CENPO: variants seen among roughly 807,000 people sequenced by gnomAD.
The protein encoded by CENPO is centromere protein O, also known as centromeric protein O.
In CENPO, 30 loss-of-function variants were observed where a neutral mutation model predicts 36.1. The ratio of observed to expected loss-of-function variants is 0.83; its 90% CI spans 0.62 to 1.13. CENPO has a LOEUF of 1.13. Among genes scored for constraint, CENPO ranks in the 50% most tolerant of loss-of-function variants. CENPO has a pLI of 0.00. For missense variants in CENPO, 349 were observed against 357.8 expected, an observed-to-expected ratio of 0.98 and a Z score of 0.20; for synonymous variants, 171 against 142.3, an observed-to-expected ratio of 1.20 and a Z score of -1.44.
At chr2:24,817,045 C>A (rs1443661996) in intron 6 of CENPO, among the ~76,000 whole-genome samples, 1 of 152,204 alleles carries the variant, frequency 6.6e-6, no homozygotes. Flanking sequence ...CCTTTGCCCA[C>A]CCACCTCAGC....
chr2:24,820,045 C>A lies in CENPO; in HGVS notation c.*727C>A. 6.2e-7 allele frequency: 1 copy of A among 1,606,506 alleles called. No individual in the cohort carries two copies. Among genetic ancestry groups the A allele is most frequent in the Non-Finnish European group, 8.5e-7 (1 of 1,176,560 alleles). On this transcript the variant is annotated 3_prime_UTR_variant, in exon 8 of 8. Coordinates refer to ENST00000380834, the MANE Select transcript of CENPO (RefSeq NM_001322101.2). Reference sequence around the variant, plus strand: ...GTCAGCAGCTCCCCCTTCCCCTTCACAAAGATGGGGCCTCGCCTCACAAAG... The same window carrying A: ...GTCAGCAGCTCCCCCTTCCCCTTCAAAAAGATGGGGCCTCGCCTCACAAAG...
chr2:24,819,866 G>T lies in CENPO; in HGVS notation c.*548G>T. ...GTGCACTTCAATCCAGGAAGGTCGG[G>T]ACTTCCTTCAGTTTCAAAAAATAAA... On this transcript the variant is annotated 3_prime_UTR_variant, in exon 8 of 8. Transcript: ENST00000380834. The T allele has an allele frequency of 6.5e-7, 1 of 1,529,374 alleles. No homozygotes were observed. The highest frequency in any genetic ancestry group is 8.9e-7 in the Non-Finnish European group (1 of 1,121,920). The allele number at this position is 1,529,374 out of a possible 1,614,324, so 94.7% of individuals were successfully genotyped here.
chr2:24,821,075 G>T lies in CENPO; in HGVS notation c.*1757G>T. ...CCCCCCCCATATGCAGATTTACTCGGCATGGTAGTGGCCAGCTTCTAACAC... is the reference window on the plus strand; with the variant it reads ...CCCCCCCCATATGCAGATTTACTCGTCATGGTAGTGGCCAGCTTCTAACAC... On this transcript the variant is annotated 3_prime_UTR_variant, in exon 8 of 8. Coordinates refer to ENST00000380834, the MANE Select transcript of CENPO (RefSeq NM_001322101.2). The T allele has an allele frequency of 1.7e-6, 1 of 588,218 alleles. No individual in the cohort carries two copies. The allele number at this position is 588,218 out of a possible 1,614,324, so 36.4% of individuals were successfully genotyped here. A position where few individuals can be genotyped will look rare whatever the true frequency, so the allele number is the denominator to read the frequency against.
At chr2:24,803,664 T>G (rs1388795750) in intron 3 of CENPO, among the ~76,000 whole-genome samples, 1 of 152,232 alleles carries the variant, frequency 6.6e-6, no homozygotes, top group African/African-American at 2.4e-5. Context: ...AATCCTGAGT[T>G]GTAGTTTGAT....
intron 3 of CENPO, among the ~76,000 whole-genome samples, chr2:24,810,830 T>G (rs1224423643): frequency 6.6e-6 from 1 of 152,186 alleles, no homozygotes; most frequent in Non-Finnish European, 1.5e-5. Context: ...TTTTTCTGTC[T>G]TTCTGCTTCC....
At chr2:24,809,148 A>G (rs1480561441) in intron 3 of CENPO, among the ~76,000 whole-genome samples, 1 of 152,146 alleles carries the variant, frequency 6.6e-6, no homozygotes, top group Non-Finnish European at 1.5e-5. Context: ...AAAACAACCT[A>G]CTGTCTTGTG....
chr2:24,820,001 C>G lies in CENPO; in HGVS notation c.*683C>G. The G allele has an allele frequency of 1.9e-6, 3 of 1,612,986 alleles. No individual in the cohort carries two copies. Among genetic ancestry groups the G allele is most frequent in the Non-Finnish European group, 2.5e-6 (3 of 1,179,498 alleles). ...CATTGGGGAAGGTGGCTAGCTTATC[C>G]CGCCCCTTCAAGAAGAAGGTCAGCA... On this transcript the variant is annotated 3_prime_UTR_variant, in exon 8 of 8. Transcript: ENST00000380834.
chr2:24,793,758 GGCCCAGGGGTTGT>G, intron 1 of CENPO, 81 bp from the exon 2 acceptor site: 1 of 1,045,072 alleles, frequency 9.6e-7, no homozygotes, highest in East Asian at 2.4e-5. Flanking sequence ...TGTCATCCGC[GGCCCAGGGGTTGT>G]GCCTGAGTGG....
At chr2:24,795,687 G>A (rs1665868976) in intron 2 of CENPO, among the ~76,000 whole-genome samples, 1 of 152,174 alleles carries the variant, frequency 6.6e-6, no homozygotes, top group African/African-American at 2.4e-5. Context: ...TTTCCATAAA[G>A]TAGAATTTGG....
Position 24,815,803 on chromosome 2 carries a change from A to G in CENPO, c.594+47A>G, listed in dbSNP as rs765146249. 3 of 1,572,818 alleles carry G rather than the reference A, an allele frequency of 1.9e-6. No individual in the cohort carries two copies. In the South Asian group the frequency reaches 3.4e-5, roughly 18 times the overall value. On this transcript the variant is annotated intron_variant, in intron 5 of 7. Coordinates refer to ENST00000380834, the MANE Select transcript of CENPO (RefSeq NM_001322101.2). ...TGCCTCATCCGTGGGCCCAAGATCA[A>G]CTTAAAAGGGGGATGTTTTTTGTAT...
Position 24,821,472 on chromosome 2 carries a change from T to TGGGAAGGGAGCCTGCTGCG in CENPO, c.*2158_*2176dup, listed in dbSNP as rs771724475. 1.2e-6 allele frequency: 2 copies of TGGGAAGGGAGCCTGCTGCG among 1,606,396 alleles called. No individual in the cohort carries two copies. The highest frequency in any genetic ancestry group is 2.2e-5 in the South Asian group (2 of 90,316). On this transcript the variant is annotated 3_prime_UTR_variant, in exon 8 of 8. Coordinates refer to ENST00000380834, the MANE Select transcript of CENPO (RefSeq NM_001322101.2). Reference sequence around the variant, plus strand: ...CCTGGTGGTGGGCCAGGCCCCTGCATGGGAAGGGAGCCTGCTGCGGGGCAG... The same window carrying TGGGAAGGGAGCCTGCTGCG: ...CCTGGTGGTGGGCCAGGCCCCTGCATGGGAAGGGAGCCTGCTGCGGGGAAGGGAGCCTGCTGCGGGGCAG...
chr2:24,811,398 A>G (rs1666680796), intron 3 of CENPO, among the ~76,000 whole-genome samples: 2 of 145,166 alleles, frequency 1.4e-5, no homozygotes, highest in African/African-American at 5.2e-5. Flanking sequence ...CTCCTGCCTC[A>G]GCCTCCTGAG....
intron 3 of CENPO, among the ~76,000 whole-genome samples, chr2:24,811,587 G>A (rs1293975113): frequency 4.0e-5 from 6 of 151,782 alleles, no homozygotes; most frequent in Non-Finnish European, 8.8e-5. Context: ...TCAGCCTCCC[G>A]AGTAGCTGGG....
Position 24,820,600 on chromosome 2 carries a change from C to T in CENPO, c.*1282C>T, listed in dbSNP as rs563029276. On this transcript the variant is annotated 3_prime_UTR_variant, in exon 8 of 8. Transcript: ENST00000380834. Reference sequence around the variant, plus strand: ...CAGAGATTCTTTTCCACTTGCCCCACGTCTCTGCCTCTGGACTTACTGTTC... The same window carrying T: ...CAGAGATTCTTTTCCACTTGCCCCATGTCTCTGCCTCTGGACTTACTGTTC... 31 of 1,497,522 alleles carry T rather than the reference C, an allele frequency of 2.1e-5. No homozygotes were observed. Among genetic ancestry groups the T allele is most frequent in the Admixed American group, 6.3e-5 (3 of 47,486 alleles). 92.8% of individuals were successfully genotyped at this position (1,497,522 alleles called of 1,614,324 possible). A position where few individuals can be genotyped will look rare whatever the true frequency, so the allele number is the denominator to read the frequency against.
At chr2:24,812,648 G>A (rs1666748478) in intron 3 of CENPO, among the ~76,000 whole-genome samples, 1 of 152,030 alleles carries the variant, frequency 6.6e-6, no homozygotes, top group Non-Finnish European at 1.5e-5. Flanking sequence ...CTCCACGTAA[G>A]ATCTTATTTG....
At position 24,817,825 on chromosome 2, in the gene CENPO, C is replaced by G; in HGVS notation, c.*19C>G. On this transcript the variant is annotated 3_prime_UTR_variant, in exon 7 of 8. Transcript: ENST00000380834. ...CTCCTAATAGATTGTTTTCACTGCACTGGGAGCACATCAGAGGTAAGTAAC... is the reference window on the plus strand; with the variant it reads ...CTCCTAATAGATTGTTTTCACTGCAGTGGGAGCACATCAGAGGTAAGTAAC... 6.2e-7 allele frequency: 1 copy of G among 1,613,904 alleles called. No homozygotes were observed.
chr2:24,819,798 C>A lies in CENPO; in HGVS notation c.*480C>A, dbSNP rs1667268675. On this transcript the variant is annotated 3_prime_UTR_variant, in exon 8 of 8. Coordinates refer to ENST00000380834, the MANE Select transcript of CENPO (RefSeq NM_001322101.2). ...CCCTCAGAGCTCACACATCCACGAA[C>A]AAATGAAGGCTGAGGAGGTTTCTAA... 1.0e-6 allele frequency: 1 copy of A among 958,436 alleles called. No homozygotes were observed. The allele number at this position is 958,436 out of a possible 1,614,324, so 59.4% of individuals were successfully genotyped here. A position where few individuals can be genotyped will look rare whatever the true frequency, so the allele number is the denominator to read the frequency against.
chr2:24,819,775 C>T lies in CENPO; in HGVS notation c.*457C>T, dbSNP rs1667264247. On this transcript the variant is annotated 3_prime_UTR_variant, in exon 8 of 8. Coordinates refer to ENST00000380834, the MANE Select transcript of CENPO (RefSeq NM_001322101.2). ...CACACACAGGAATAGCAGGGCCACCCTCAGAGCTCACACATCCACGAACAA... is the reference window on the plus strand; with the variant it reads ...CACACACAGGAATAGCAGGGCCACCTTCAGAGCTCACACATCCACGAACAA... 2.6e-6 allele frequency: 2 copies of T among 776,280 alleles called. No homozygotes were observed. The highest frequency in any genetic ancestry group is 5.6e-5 in the East Asian group (2 of 35,948). The allele number at this position is 776,280 out of a possible 1,614,324, so 48.1% of individuals were successfully genotyped here.
rs1269671926 is a variant in CENPO, at chr2:24,821,770, C to T, written c.*2452C>T. 2 of 1,394,068 alleles carry T rather than the reference C, an allele frequency of 1.4e-6. No homozygotes were observed. The highest frequency in any genetic ancestry group is 1.9e-6 in the Non-Finnish European group (2 of 1,038,630). The allele number at this position is 1,394,068 out of a possible 1,614,324, so 86.4% of individuals were successfully genotyped here. ...ATGTTCAAGGCCTTACTTTTCCTCC[C>T]ACAAAGGAGTCGCAGCCACGCTAGC... On this transcript the variant is annotated 3_prime_UTR_variant, in exon 8 of 8. Transcript: ENST00000380834.
Sources: gnomAD v4.1 joint callset for allele counts (sites outside exome capture counted in the v4.1 genomes callset) on GRCh38, gnomAD v4.1.1 for gene constraint, MANE v1.5 for transcripts, NCBI Gene and HGNC (gene_info 2026-07-23, HGNC 2026-07-21) for gene names.